SORCS3: variants seen among roughly 807,000 people sequenced by gnomAD.
SORCS3 encodes the protein sortilin related VPS10 domain containing receptor 3, also known as VPS10 domain-containing receptor SorCS3.
In SORCS3, 57 loss-of-function variants were observed where a neutral mutation model predicts 146.3. That is an observed-to-expected ratio of 0.39 (90% CI 0.31 to 0.49). The LOEUF (loss-of-function observed/expected upper bound fraction) is 0.49, where lower values mean the gene tolerates loss of function less well. Ranked by LOEUF, SORCS3 falls within the 20% of genes least tolerant of loss-of-function variation. The probability of loss-of-function intolerance (pLI) is 0.92; values close to 1 mark genes in which losing one functional copy is unlikely to be tolerated. For missense variants in SORCS3, 1,341 were observed against 1,575.5 expected (o/e 0.85, Z 2.52); for synonymous variants, 653 against 618.5 (o/e 1.06, Z -0.83).
chr10:104,765,815 A>G (rs1420361337), intron 1 of SORCS3, among the ~76,000 whole-genome samples: 4 of 152,240 alleles, frequency 2.6e-5, no homozygotes, highest in Non-Finnish European at 5.9e-5. Context: ...CAGATGAGGA[A>G]ACTGAGCCAA....
At chr10:104,729,967 C>T (rs2016687397) in intron 1 of SORCS3, among the ~76,000 whole-genome samples, 1 of 152,158 alleles carries the variant, frequency 6.6e-6, no homozygotes, top group Non-Finnish European at 1.5e-5. Context: ...GAGAACTTGA[C>T]CTTATCAAGT....
intron 4 of SORCS3, among the ~76,000 whole-genome samples, chr10:105,014,670 G>T (rs2133683645): frequency 6.6e-6 from 1 of 150,546 alleles, no homozygotes; most frequent in Non-Finnish European, 1.5e-5. Context: ...AAATGCTGTG[G>T]TCTGAATGTT....
intron 6 of SORCS3, among the ~76,000 whole-genome samples, chr10:105,103,545 A>G (rs184503004): frequency 7.3e-4 from 111 of 152,314 alleles, no homozygotes; most frequent in Admixed American, 7.3e-3. Context: ...AGATGACAAG[A>G]AAGTGTCCCA....
At chr10:105,167,807 C>G (rs1157234564) in intron 13 of SORCS3, among the ~76,000 whole-genome samples, 1 of 152,108 alleles carries the variant, frequency 6.6e-6, no homozygotes, top group African/African-American at 2.4e-5. Flanking sequence ...TAGGCTGACA[C>G]TTTAGCTTTG....
chr10:104,742,492 G>A (rs145916790), intron 1 of SORCS3, among the ~76,000 whole-genome samples: 82 of 152,268 alleles, frequency 5.4e-4, no homozygotes, highest in Non-Finnish European at 1.1e-3. Flanking sequence ...TTGGGTAGAG[G>A]AGGATACCAG....
chr10:104,644,745 A>C (rs1331418751), intron 1 of SORCS3, among the ~76,000 whole-genome samples: 3 of 152,224 alleles, frequency 2.0e-5, no homozygotes, highest in Non-Finnish European at 4.4e-5. Context: ...GGAGGCCACC[A>C]GTTTAATTTT....
At chr10:104,666,872 T>C (rs1308417348) in intron 1 of SORCS3, among the ~76,000 whole-genome samples, 1 of 152,106 alleles carries the variant, frequency 6.6e-6, no homozygotes, top group Non-Finnish European at 1.5e-5. Context: ...ACAAAGTCTC[T>C]TTGGACTATT....
At chr10:104,977,533 G>T in intron 4 of SORCS3, 40 bp downstream of exon 4, 1 of 1,517,372 alleles carries the variant, frequency 6.6e-7, no homozygotes, top group South Asian at 1.3e-5. Flanking sequence ...TGTCATCCAG[G>T]TACCACCATG....
intron 3 of SORCS3, among the ~76,000 whole-genome samples, chr10:104,959,845 T>C (rs10884070): frequency 2.6e-5 from 4 of 152,170 alleles, no homozygotes; most frequent in East Asian, 3.9e-4. Flanking sequence ...TGACTACTTA[T>C]TGTTTTCATT....
At chr10:104,784,114 C>T (rs2017405593) in intron 1 of SORCS3, among the ~76,000 whole-genome samples, 1 of 152,178 alleles carries the variant, frequency 6.6e-6, no homozygotes, top group Non-Finnish European at 1.5e-5. Context: ...CCACAGTTAT[C>T]TTGTTTTTCT....
intron 1 of SORCS3, among the ~76,000 whole-genome samples, chr10:104,686,957 GCATTCATCTTTC>G (rs1262336896): frequency 1.3e-5 from 2 of 151,026 alleles, no homozygotes; most frequent in Non-Finnish European, 3.0e-5. Flanking sequence ...ATGTATCCAT[GCATTCATCTTTC>G]CATTCATCTA....
At chr10:105,127,774 G>A (rs146462929) in intron 7 of SORCS3, among the ~76,000 whole-genome samples, 2 of 152,258 alleles carry the variant, frequency 1.3e-5, no homozygotes, top group East Asian at 3.9e-4. Context: ...AAAGAGCCCT[G>A]GGAATCAGAG....
rs1166154077 is a variant in SORCS3 at position 105,041,079 on chromosome 10, G to GTATA, written c.955-1970_955-1967dup. Among the ~76,000 whole-genome samples, 3 of 114,256 alleles carry GTATA rather than the reference G, an allele frequency of 2.6e-5. No homozygotes were observed. In the East Asian group the frequency reaches 5.9e-4, roughly 22 times the overall value. The allele number at this position is 114,256 out of a possible 152,430, so 75.0% of individuals were successfully genotyped here. A position where few individuals can be genotyped will look rare whatever the true frequency, so the allele number is the denominator to read the frequency against. ...AATATATAAATATATATGTATGTAT[G>GTATA]TATATATATTTATATATATATATAA... On this transcript the variant is annotated intron_variant, in intron 4 of 26. Transcript: ENST00000369701.
intron 1 of SORCS3, among the ~76,000 whole-genome samples, chr10:104,773,636 C>T (rs776810189): frequency 5.9e-5 from 9 of 152,226 alleles, no homozygotes; most frequent in Non-Finnish European, 1.0e-4. Context: ...GAGGCAGACA[C>T]TGCTGTGTGT....
chr10:104,661,423 A>G (rs2015698654), intron 1 of SORCS3, among the ~76,000 whole-genome samples: 1 of 152,190 alleles, frequency 6.6e-6, no homozygotes, highest in African/African-American at 2.4e-5. Context: ...GTTCTCCTGA[A>G]GCAGGGATGG....
At chr10:104,815,647 C>G (rs779254656) in intron 1 of SORCS3, among the ~76,000 whole-genome samples, 3 of 151,896 alleles carry the variant, frequency 2.0e-5, no homozygotes, top group Non-Finnish European at 4.4e-5. Flanking sequence ...TGCATTTCCA[C>G]AATGACATAC....
At chr10:105,150,918 CT>C (rs1220451641) in intron 9 of SORCS3, among the ~76,000 whole-genome samples, 1 of 152,172 alleles carries the variant, frequency 6.6e-6, no homozygotes, top group Non-Finnish European at 1.5e-5. Flanking sequence ...GAGACTACAA[CT>C]TTTCTGGACT....
intron 1 of SORCS3, among the ~76,000 whole-genome samples, chr10:104,754,305 A>G (rs569990680): frequency 1.2e-4 from 18 of 152,220 alleles, no homozygotes; most frequent in African/African-American, 4.3e-4. Flanking sequence ...CCCCTGTTAA[A>G]CATCAGATTG....
chr10:104,717,754 C>G (rs957104476), intron 1 of SORCS3, among the ~76,000 whole-genome samples: 3 of 152,140 alleles, frequency 2.0e-5, no homozygotes, highest in Non-Finnish European at 4.4e-5. Context: ...TAAAAAGCCT[C>G]AGGATACTGA....
Sources: allele counts gnomAD v4.1 joint callset (sites outside exome capture counted in the v4.1 genomes callset), GRCh38; gene constraint gnomAD v4.1.1; transcripts MANE v1.5; gene names NCBI Gene and HGNC (gene_info 2026-07-23, HGNC 2026-07-21).